Variants in SYT7 observed in about 807,000 individuals in gnomAD.
SYT7 encodes synaptotagmin-7.
Under a neutral mutation model 75.1 loss-of-function variants are expected in SYT7, and 29 were observed. That is an observed-to-expected ratio of 0.39 (90% CI 0.29 to 0.53). SYT7 has a LOEUF of 0.53. SYT7 is among the 20% of genes least tolerant of loss of function. SYT7 has a pLI of 0.77. For synonymous variants in SYT7, 376 were observed against 401.7 expected (o/e 0.94, Z 0.76); for missense variants, 693 against 953.2 (o/e 0.73, Z 3.59).
At chr11:61,529,616 C>T (rs1177374384) in intron 8 of SYT7, among the ~76,000 whole-genome samples, 1 of 152,180 alleles carries the variant, frequency 6.6e-6, no homozygotes, top group Admixed American at 6.5e-5. Flanking sequence ...AGGTGAAAAG[C>T]GTCGGAATCA....
chr11:61,535,663 G>A (rs960929724), intron 7 of SYT7, among the ~76,000 whole-genome samples: 1 of 152,082 alleles, frequency 6.6e-6, no homozygotes, highest in East Asian at 1.9e-4. Context: ...CCCATCTCCC[G>A]CTGCTTGTTG....
At position 61,551,648 on chromosome 11, in the gene SYT7, C is replaced by T. The variant is rs1244973910; in HGVS notation, c.136-185G>A. On this transcript the variant is annotated intron_variant, in intron 2 of 12. Coordinates refer to ENST00000539008, the MANE Select transcript of SYT7 (RefSeq NM_001365809.2). The surrounding 1 kb of genome is among the most constrained non-coding windows in gnomAD (Gnocchi z 5.3). Reference sequence around the variant, plus strand: ...CCCTGGATGCCTGCTCCCCGGTTGGCAGCTCCTGGGCCCCATCGGGCTCTA... The same window carrying T: ...CCCTGGATGCCTGCTCCCCGGTTGGTAGCTCCTGGGCCCCATCGGGCTCTA... Among the ~76,000 whole-genome samples the T allele has an allele frequency of 6.6e-6, 1 of 152,140 alleles. No homozygotes were observed. The highest frequency in any genetic ancestry group is 1.9e-4 in the East Asian group (1 of 5,180).
rs555092210 is a variant in SYT7 at position 61,515,184 on chromosome 11, A to G, written c.*3443T>C. Reference sequence around the variant, plus strand: ...TCGGGAAGGGCCTGGTCACCAGTGAAGTCAAATCCCAAAGGTGACACACTG... The same window carrying G: ...TCGGGAAGGGCCTGGTCACCAGTGAGGTCAAATCCCAAAGGTGACACACTG... On this transcript the variant is annotated 3_prime_UTR_variant, in exon 13 of 13. Coordinates refer to ENST00000539008, the MANE Select transcript of SYT7 (RefSeq NM_001365809.2). 22 of 152,390 alleles carry G rather than the reference A, an allele frequency of 1.4e-4. 1 individual carries two copies. Among genetic ancestry groups the G allele is most frequent in the African/African-American group, 4.1e-4 (17 of 41,576 alleles). 9.4% of individuals were successfully genotyped at this position (152,390 alleles called of 1,614,324 possible).
intron 1 of SYT7, among the ~76,000 whole-genome samples, chr11:61,575,011 G>C (rs367576814): frequency 1.6e-3 from 245 of 152,074 alleles, no homozygotes; most frequent in Non-Finnish European, 2.8e-3. Flanking sequence ...GTGGCAGGGT[G>C]CATGCTCCAC....
At position 61,542,201 on chromosome 11, in the gene SYT7, G is replaced by A; in HGVS notation, c.941+10C>T. ...AGGTGGGGGCCGGCCCGCTCAAGGGGAGGACTTACAGGAAGGATTTCATGT... is the reference window on the plus strand; with the variant it reads ...AGGTGGGGGCCGGCCCGCTCAAGGGAAGGACTTACAGGAAGGATTTCATGT... On this transcript the variant is annotated intron_variant, in intron 6 of 12. Transcript: ENST00000539008. The surrounding 1 kb of genome is among the most constrained non-coding windows in gnomAD (Gnocchi z 7.8). 3 of 1,532,768 alleles carry A rather than the reference G, an allele frequency of 2.0e-6. No individual in the cohort carries two copies. Among genetic ancestry groups the A allele is most frequent in the East Asian group, 2.5e-5 (1 of 40,466 alleles). 94.9% of individuals were successfully genotyped at this position (1,532,768 alleles called of 1,614,324 possible).
chr11:61,522,187 CTTTTTTTTTT>C (rs60616538), intron 12 of SYT7, among the ~76,000 whole-genome samples: 1 of 114,276 alleles, frequency 8.8e-6, no homozygotes, highest in Non-Finnish European at 1.8e-5. Flanking sequence ...GAAGAGATCA[CTTTTTTTTTT>C]TTTTTTTTTT....
chr11:61,572,893 G>C (rs950797965), intron 1 of SYT7, among the ~76,000 whole-genome samples: 53 of 152,212 alleles, frequency 3.5e-4, no homozygotes, highest in Middle Eastern at 3.2e-3. Context: ...GCTTCCTGCT[G>C]CAGGACACAC....
In SYT7 at chr11:61,518,671, G is replaced by A. The variant is rs1000112747; in HGVS notation, c.2017C>T (p.Arg673Cys). The A allele has an allele frequency of 3.2e-5, 49 of 1,549,600 alleles. No individual in the cohort carries two copies. Among genetic ancestry groups the A allele is most frequent in the South Asian group, 8.4e-5 (7 of 83,832 alleles). Residue 673 changes from arginine (R) to cysteine (C), a missense_variant, in exon 13 of 13, where the codon CGT becomes TGT. Arg to Cys is a radical substitution (Grantham distance 180). Around this residue, in one of 2 missense-constraint regions of SYT7, gnomAD observed 206 missense variants for 360.0 expected, o/e 0.57. Coordinates refer to ENST00000539008, the MANE Select transcript of SYT7 (RefSeq NM_001365809.2). ...EVKHWKDMIARPRQPVAQWHQ... is the reference protein window; with the variant it reads ...EVKHWKDMIACPRQPVAQWHQ... ...CACTGGGCCACGGGCTGCCGGGGAC[G>A]GGCAATCATGTCCTTCCAGTGCTTC...
chr11:61,556,831 T>C (rs2063513301), intron 1 of SYT7, among the ~76,000 whole-genome samples: 1 of 152,162 alleles, frequency 6.6e-6, no homozygotes, highest in South Asian at 2.1e-4. Flanking sequence ...CCAGCTTTCA[T>C]TGGTCTGGAA....
upstream of SYT7, among the ~76,000 whole-genome samples, chr11:61,583,067 GA>G (rs145862108): frequency 3.2e-4 from 48 of 149,634 alleles, no homozygotes; most frequent in African/African-American, 6.1e-4. Flanking sequence ...TATCTACAAA[GA>G]AAAAAAAAAT....
Position 61,517,669 on chromosome 11 carries a change from T to G in SYT7, c.*958A>C, listed in dbSNP as rs893969814. 11 of 398,144 alleles carry G rather than the reference T, an allele frequency of 2.8e-5. No homozygotes were observed. Among genetic ancestry groups the G allele is most frequent in the Non-Finnish European group, 4.0e-5 (9 of 226,152 alleles). 24.7% of individuals were successfully genotyped at this position (398,144 alleles called of 1,614,324 possible). ...GCGGGGGGTCTTTTGATGAAGGAGT[T>G]AGGGCAAAGCTAGTCGGGGCTCGGG... is the stretch of plus-strand genomic sequence containing the variant. On this transcript the variant is annotated 3_prime_UTR_variant, in exon 13 of 13. Transcript: ENST00000539008.
At chr11:61,547,084 G>A (rs888747457) in intron 4 of SYT7, 93 bp downstream of exon 4, 6 of 1,419,844 alleles carry the variant, frequency 4.2e-6, no homozygotes, top group Non-Finnish European at 5.7e-6. Context: ...GAGAGGGAGT[G>A]AGCGGGTCCA....
At position 61,518,053 on chromosome 11, in the gene SYT7, G is replaced by GCA; in HGVS notation, c.*572_*573dup. 6.4e-6 allele frequency: 1 copy of GCA among 155,680 alleles called. No homozygotes were observed. The highest frequency in any genetic ancestry group is 1.4e-5 in the Non-Finnish European group (1 of 72,288). 9.6% of individuals were successfully genotyped at this position (155,680 alleles called of 1,614,324 possible). A position where few individuals can be genotyped will look rare whatever the true frequency, so the allele number is the denominator to read the frequency against. ...CGCATTTCCAGGCCTCTGTCCCCACGCACACACACAATGGACACAACACGA... is the reference window on the plus strand; with the variant it reads ...CGCATTTCCAGGCCTCTGTCCCCACGCACACACACACAATGGACACAACACGA... On this transcript the variant is annotated 3_prime_UTR_variant, in exon 13 of 13. Coordinates refer to ENST00000539008, the MANE Select transcript of SYT7 (RefSeq NM_001365809.2).
chr11:61,542,956 G>T lies in SYT7; in HGVS notation c.573-377C>A, dbSNP rs891694292. Among the ~76,000 whole-genome samples the T allele has an allele frequency of 6.6e-6, 1 of 152,230 alleles. No individual in the cohort carries two copies. The highest frequency in any genetic ancestry group is 1.5e-5 in the Non-Finnish European group (1 of 68,038). ...CTGCAGCTGCCTGTCATGTTGGAGT[G>T]GGAGGGGTAGAGGGAGCTGCTGTGG... On this transcript the variant is annotated intron_variant, in intron 5 of 12. Coordinates refer to ENST00000539008, the MANE Select transcript of SYT7 (RefSeq NM_001365809.2). The surrounding 1 kb of genome is among the most constrained non-coding windows in gnomAD (Gnocchi z 7.8).
At chr11:61,530,749 G>A in intron 8 of SYT7, 1 of 960,972 alleles carries the variant, frequency 1.0e-6, no homozygotes, top group Non-Finnish European at 1.2e-6. Flanking sequence ...GAAGGCCTGG[G>A]CTGGCCAGGT....
chr11:61,551,166 G>T lies in SYT7; in HGVS notation c.215+218C>A, dbSNP rs2063337828. ...GGCGGTGAGGGCAGCGGAAACGGAGGCCAGGGACTCCGGAGCACTACGAGG... is the reference window on the plus strand; with the variant it reads ...GGCGGTGAGGGCAGCGGAAACGGAGTCCAGGGACTCCGGAGCACTACGAGG... On this transcript the variant is annotated intron_variant, in intron 3 of 12. Coordinates refer to ENST00000539008, the MANE Select transcript of SYT7 (RefSeq NM_001365809.2). This position sits in a 1 kb window ranked among gnomAD's most constrained non-coding sequence, Gnocchi z 5.3. 6.6e-6 allele frequency among the ~76,000 whole-genome samples: 1 copy of T among 152,130 alleles called. No individual in the cohort carries two copies. The highest frequency in any genetic ancestry group is 2.4e-5 in the African/African-American group (1 of 41,430).
Position 61,531,180 on chromosome 11 carries a change from T to C in SYT7, c.1200+1809A>G, listed in dbSNP as rs376335329. 504 of 975,222 alleles carry C rather than the reference T, an allele frequency of 5.2e-4. 3 individuals are homozygous for C. The Middle Eastern group carries it at 6.3e-3, about 12-fold the overall frequency. The allele number at this position is 975,222 out of a possible 1,614,324, so 60.4% of individuals were successfully genotyped here. On this transcript the variant is annotated intron_variant, in intron 8 of 12. Transcript: ENST00000539008. ...GGCTGTTAACATCAACGACCTAGCA[T>C]TGGCACAGAGCTGTGCAATTAGACT...
intron 7 of SYT7, among the ~76,000 whole-genome samples, chr11:61,537,318 C>T (rs2062896335): frequency 6.6e-6 from 1 of 152,176 alleles, no homozygotes; most frequent in South Asian, 2.1e-4. Context: ...CACCCTACCC[C>T]TTGCCCATGA....
chr11:61,535,519 C>T (rs1250907858), intron 7 of SYT7, among the ~76,000 whole-genome samples: 1 of 152,196 alleles, frequency 6.6e-6, no homozygotes, highest in Non-Finnish European at 1.5e-5. Context: ...CGCAGCAGGG[C>T]GTGGAGCCAG....
Sources: allele counts gnomAD v4.1 joint callset (sites outside exome capture counted in the v4.1 genomes callset), GRCh38; gene constraint gnomAD v4.1.1; regional missense constraint gnomAD v4.1.1; non-coding constraint Gnocchi (gnomAD v3.1); transcripts MANE v1.5; gene names NCBI Gene and HGNC (gene_info 2026-07-23, HGNC 2026-07-21).